The following FAM220A variants were observed in gnomAD, a reference collection of about 807,000 sequenced individuals.
FAM220A encodes the protein protein FAM220A.
For synonymous variants in FAM220A, 141 were observed against 130.7 expected, an observed-to-expected ratio of 1.08 and a Z score of -0.54; for missense variants, 392 against 321.6, an observed-to-expected ratio of 1.22 and a Z score of -1.68.
intron 1 of FAM220A, among the ~76,000 whole-genome samples, chr7:6,340,233 TTC>T (rs1416415125): frequency 6.6e-6 from 1 of 152,140 alleles, no homozygotes; most frequent in Admixed American, 6.6e-5. Context: ...AGCCAGAATC[TTC>T]TCTGACTACT....
chr7:6,336,666 C>T (rs182129657), intron 1 of FAM220A, among the ~76,000 whole-genome samples: 95 of 147,368 alleles, frequency 6.4e-4, no homozygotes, highest in Non-Finnish European at 9.8e-4. Context: ...CCTGAGAGAG[C>T]GAGCAAGACT....
chr7:6,348,544 C>T, intron 1 of FAM220A, 29 bp downstream of exon 1: 1 of 422,794 alleles, frequency 2.4e-6, no homozygotes, highest in South Asian at 6.5e-5. Flanking sequence ...CGGGGAGGGC[C>T]GGGGGCCGGG....
chr7:6,345,854 C>T (rs1781942642), intron 1 of FAM220A, among the ~76,000 whole-genome samples: 1 of 151,612 alleles, frequency 6.6e-6, no homozygotes, highest in Non-Finnish European at 1.5e-5. Flanking sequence ...CTGCAACCTC[C>T]ATCTCCTGGG....
At chr7:6,335,380 G>T (rs1781725110) in intron 1 of FAM220A, among the ~76,000 whole-genome samples, 1 of 151,828 alleles carries the variant, frequency 6.6e-6, no homozygotes, top group Non-Finnish European at 1.5e-5. Context: ...CCGCCACCAC[G>T]CCTGGCTAAT....
At chr7:6,335,335 G>A (rs1781723609) in intron 1 of FAM220A, among the ~76,000 whole-genome samples, 1 of 151,688 alleles carries the variant, frequency 6.6e-6, no homozygotes, top group Non-Finnish European at 1.5e-5. Context: ...TGATTCTCCT[G>A]CCTCAACCTC....
intron 1 of FAM220A, among the ~76,000 whole-genome samples, chr7:6,344,359 C>T (rs536200290): frequency 6.6e-6 from 1 of 152,208 alleles, no homozygotes; most frequent in Admixed American, 6.6e-5. Flanking sequence ...CACCCCACTC[C>T]CCACCCCCAT....
intron 1 of FAM220A, among the ~76,000 whole-genome samples, chr7:6,334,008 G>A (rs112902735): frequency 2.7e-4 from 41 of 151,194 alleles, no homozygotes; most frequent in East Asian, 1.2e-3. Context: ...CACCACGCCC[G>A]GCTAATTTTT....
chr7:6,336,491 G>A (rs955290401), intron 1 of FAM220A, among the ~76,000 whole-genome samples: 5 of 152,072 alleles, frequency 3.3e-5, no homozygotes, highest in African/African-American at 9.7e-5. Context: ...GACCAGCCTG[G>A]CCAACACAGG....
chr7:6,345,036 G>A (rs550720765), intron 1 of FAM220A, among the ~76,000 whole-genome samples: 10 of 151,826 alleles, frequency 6.6e-5, no homozygotes, highest in African/African-American at 2.4e-4. Flanking sequence ...ATCCCACCAC[G>A]CCCGGCCACT....
At chr7:6,333,051 G>C (rs891766033) in intron 1 of FAM220A, among the ~76,000 whole-genome samples, 2 of 151,872 alleles carry the variant, frequency 1.3e-5, no homozygotes, top group Non-Finnish European at 2.9e-5. Context: ...CAGCTACCAG[G>C]GAGGCTGAAG....
intron 1 of FAM220A, among the ~76,000 whole-genome samples, chr7:6,339,538 C>A (rs1781808525): frequency 6.6e-6 from 1 of 151,660 alleles, no homozygotes; most frequent in African/African-American, 2.4e-5. Flanking sequence ...GGCTGGAGTG[C>A]AGTGGAGCAA....
rs780472883 is a variant in FAM220A, at chr7:6,330,796, C to T, written c.359G>A (p.Ser120Asn). ...TCGCCGCCCCAGAGCTTCAACACCA[C>T]TGCAGGACACCCGAGCAAAACACTC... ...PTECFARVSC[S>N]GVEALGRRDW... Residue 120 changes from serine (S) to asparagine (N), a missense_variant, in exon 2 of 2, where the codon AGT becomes AAT. Transcript: ENST00000313324. 1.7e-5 allele frequency: 28 copies of T among 1,614,078 alleles called. No homozygotes were observed. The African/African-American group carries it at 3.2e-4, about 18-fold the overall frequency.
At position 6,330,563 on chromosome 7, in the gene FAM220A, C is replaced by T. The variant is rs6952125; in HGVS notation, c.592G>A (p.Val198Met). Residue 198 changes from valine to methionine, a missense_variant, in exon 2 of 2, where the codon GTG (valine) becomes ATG (methionine). Transcript: ENST00000313324. ...TCACTCAGGAGCACTTCGGGATACA[C>T]GTGCAGCGTTGCAGACAGGATGGAG... ...LHSILSATLH[V>M]YPEVLLSEET... The T allele has an allele frequency of 0.53, 857,966 of 1,613,740 alleles. 240,042 individuals carry two copies. The highest frequency in any genetic ancestry group is 0.91 in the East Asian group (40,676 of 44,876).
At chr7:6,348,493 A>G (rs1338969997) in intron 1 of FAM220A, 80 bp downstream of exon 1, 2 of 409,804 alleles carry the variant, frequency 4.9e-6, no homozygotes, top group Non-Finnish European at 8.6e-6. Context: ...AGGCAGTGGC[A>G]GCTGCCGTGG....
At chr7:6,348,518 G>A in intron 1 of FAM220A, 55 bp downstream of exon 1, 1 of 412,014 alleles carries the variant, frequency 2.4e-6, no homozygotes, top group African/African-American at 2.0e-5. Context: ...TGCATCCCGC[G>A]GGCGAGGCGG....
chr7:6,343,404 AT>A (rs1411177534), intron 1 of FAM220A, among the ~76,000 whole-genome samples: 151 of 11,128 alleles, frequency 0.014, 2 homozygotes, highest in Middle Eastern at 0.05. Flanking sequence ...TTTCATATAT[AT>A]ATATATATAT....
intron 1 of FAM220A, among the ~76,000 whole-genome samples, chr7:6,332,395 TC>T (rs1251161507): frequency 6.6e-6 from 1 of 152,172 alleles, no homozygotes; most frequent in African/African-American, 2.4e-5. Flanking sequence ...CAGCTTTGCA[TC>T]TATCTGTAAA....
rs374124671 is a variant in FAM220A at position 6,330,867 on chromosome 7, T to C, written c.288A>G (p.Ser96=). 46 of 1,614,154 alleles carry C rather than the reference T, an allele frequency of 2.8e-5. 1 individual carries two copies. The African/African-American group carries it at 3.1e-4, about 11-fold the overall frequency. The change falls in exon 2 of 2, where the codon TCA becomes TCG. Residue 96 remains serine (S), a synonymous_variant. Coordinates refer to ENST00000313324, the MANE Select transcript of FAM220A (RefSeq NM_001037163.2). Reference sequence around the variant, plus strand: ...CCACGGCTGTGCTCGGAGTGGCTGCTGAGGCTGGATTTCTTCTTACTGATT... The same window carrying C: ...CCACGGCTGTGCTCGGAGTGGCTGCCGAGGCTGGATTTCTTCTTACTGATT... The part of the protein sequence containing the change: ...VRESVRRNPA[S]AATPSTAVGL...
intron 1 of FAM220A, among the ~76,000 whole-genome samples, chr7:6,335,574 A>T (rs1562445918): frequency 6.6e-6 from 1 of 152,018 alleles, no homozygotes; most frequent in Non-Finnish European, 1.5e-5. Flanking sequence ...GGTTTAGTTC[A>T]TTCTTCTTTC....
Sources: gnomAD v4.1 joint callset for allele counts (sites outside exome capture counted in the v4.1 genomes callset) on GRCh38, gnomAD v4.1.1 for gene constraint, MANE v1.5 for transcripts, NCBI Gene and HGNC (gene_info 2026-07-23, HGNC 2026-07-21) for gene names.